Variants in PTK2 observed in about 807,000 individuals in gnomAD.
PTK2 encodes the protein protein tyrosine kinase 2, also known as focal adhesion kinase 1.
Under a neutral mutation model 150.1 loss-of-function variants are expected in PTK2, and 45 were observed. That is an observed-to-expected ratio of 0.30 (90% confidence interval 0.24 to 0.38). PTK2 has a LOEUF of 0.38. Among genes scored for constraint, PTK2 ranks in the 10% least tolerant of loss-of-function variants. The probability of loss-of-function intolerance (pLI) is 1.00; values close to 1 mark genes in which losing one functional copy is unlikely to be tolerated. For synonymous variants in PTK2, 432 were observed against 449.2 expected (o/e 0.96, Z 0.48); for missense variants, 919 against 1,307.3 (o/e 0.70, Z 4.58).
intron 1 of PTK2, among the ~76,000 whole-genome samples, chr8:140,941,457 T>C (rs986546203): frequency 6.6e-6 from 1 of 152,238 alleles, no homozygotes; most frequent in Admixed American, 6.5e-5. Flanking sequence ...AGCCCTACTG[T>C]AATGCACCTT....
chr8:140,682,460 G>A (rs1453772533), intron 27 of PTK2, among the ~76,000 whole-genome samples: 2 of 152,082 alleles, frequency 1.3e-5, no homozygotes, highest in African/African-American at 4.8e-5. Context: ...TTCTTCACTT[G>A]ATCTTAGCCA....
At chr8:140,971,062 G>C (rs2100187091) in intron 1 of PTK2, among the ~76,000 whole-genome samples, 1 of 152,142 alleles carries the variant, frequency 6.6e-6, no homozygotes, top group Non-Finnish European at 1.5e-5. Context: ...TTTATTCAAG[G>C]AGTCAATGCC....
chr8:140,935,869 ACCG>A (rs2100173448), intron 1 of PTK2, among the ~76,000 whole-genome samples: 1 of 151,486 alleles, frequency 6.6e-6, no homozygotes, highest in Non-Finnish European at 1.5e-5. Context: ...ACAGGGTTTC[ACCG>A]TGTTGACCTT....
intron 26 of PTK2, among the ~76,000 whole-genome samples, chr8:140,691,871 G>A (rs1353242213): frequency 1.3e-5 from 2 of 152,194 alleles, no homozygotes; most frequent in Admixed American, 1.3e-4. Flanking sequence ...TGTTATAGAC[G>A]AGGAACTTGA....
chr8:140,719,154 C>T (rs770034052), intron 22 of PTK2, among the ~76,000 whole-genome samples: 19 of 151,938 alleles, frequency 1.3e-4, no homozygotes, highest in Non-Finnish European at 2.5e-4. Context: ...CCAGCCTGGG[C>T]AACAGAATGA....
chr8:140,855,698 T>C (rs974950806), intron 5 of PTK2, among the ~76,000 whole-genome samples: 9 of 152,250 alleles, frequency 5.9e-5, no homozygotes, highest in African/African-American at 2.2e-4. Context: ...AAAGGACTAG[T>C]ATACAAGGTA....
At chr8:140,952,994 C>T (rs762908548) in intron 1 of PTK2, among the ~76,000 whole-genome samples, 7 of 152,132 alleles carry the variant, frequency 4.6e-5, no homozygotes, top group East Asian at 3.8e-4. Context: ...ACAGCATCTT[C>T]GCAATAACCC....
At chr8:140,711,180 C>T (rs982110760) in intron 23 of PTK2, among the ~76,000 whole-genome samples, 7 of 152,198 alleles carry the variant, frequency 4.6e-5, no homozygotes, top group Admixed American at 1.3e-4. Flanking sequence ...GATCTCGGCT[C>T]GCTGCAACCT....
intron 22 of PTK2, chr8:140,721,854 G>A (rs2100043070): frequency 6.6e-6 from 1 of 152,176 alleles, no homozygotes; most frequent in Non-Finnish European, 1.5e-5. Flanking sequence ...TTTAGGCTAA[G>A]TTACATTACT....
Position 140,802,233 on chromosome 8 carries a change from T to G in PTK2, c.975+1310A>C, listed in dbSNP as rs929940294. On this transcript the variant is annotated intron_variant, in intron 11 of 31. Coordinates refer to ENST00000522684, the Ensembl canonical transcript of PTK2. ...TGGGACAAGATGTGGAGGTAGAAGATGGTGATATGGATACTCTTGACCCTG... is the reference window on the plus strand; with the variant it reads ...TGGGACAAGATGTGGAGGTAGAAGAGGGTGATATGGATACTCTTGACCCTG... Among the ~76,000 whole-genome samples, 4 of 152,204 alleles carry G rather than the reference T, an allele frequency of 2.6e-5. No homozygotes were observed. In the East Asian group the frequency reaches 7.7e-4, roughly 29 times the overall value.
intron 22 of PTK2, chr8:140,732,521 A>G (rs1007798379): frequency 3.8e-6 from 2 of 524,130 alleles, no homozygotes; most frequent in Non-Finnish European, 3.9e-6. Flanking sequence ...CTCTTCCTGT[A>G]TCTAGCTAGC....
intron 7 of PTK2, among the ~76,000 whole-genome samples, chr8:140,839,730 G>GT (rs1017958747): frequency 2.6e-5 from 4 of 152,138 alleles, no homozygotes; most frequent in African/African-American, 9.7e-5. Flanking sequence ...CACGAAAAAT[G>GT]TAAGAGACAG....
chr8:140,994,948 G>A (rs1327014105), intron 1 of PTK2, among the ~76,000 whole-genome samples: 1 of 152,060 alleles, frequency 6.6e-6, no homozygotes, highest in African/African-American at 2.4e-5. Context: ...GCCTGGTGTG[G>A]TGGTACATGC....
At chr8:140,960,187 CTTTTTTTTTTTTTTT>C (rs371999950) in intron 1 of PTK2, among the ~76,000 whole-genome samples, 23 of 72,408 alleles carry the variant, frequency 3.2e-4, no homozygotes, top group African/African-American at 1.2e-3. Context: ...CAATTTTAAA[CTTTTTTTTTTTTTTT>C]TTTTTTTTTT....
chr8:140,999,932 A>AT (rs1400359072), intron 1 of PTK2, among the ~76,000 whole-genome samples: 3 of 151,950 alleles, frequency 2.0e-5, no homozygotes, highest in Non-Finnish European at 4.4e-5. Context: ...AATTACTACA[A>AT]TATTACTATT....
chr8:140,768,029 G>A (rs1421843191), intron 14 of PTK2, among the ~76,000 whole-genome samples: 2 of 152,084 alleles, frequency 1.3e-5, no homozygotes, highest in African/African-American at 4.8e-5. Flanking sequence ...CAAGTTCAAA[G>A]GCCTGGGCAC....
chr8:140,902,461 T>C (rs1368574479), intron 2 of PTK2, among the ~76,000 whole-genome samples: 2 of 152,220 alleles, frequency 1.3e-5, no homozygotes, highest in Non-Finnish European at 2.9e-5. Flanking sequence ...TTATAATCCT[T>C]TGGGTATATA....
intron 29 of PTK2, among the ~76,000 whole-genome samples, chr8:140,671,939 C>CG (rs1279535159): frequency 2.0e-5 from 2 of 101,588 alleles, no homozygotes; most frequent in Admixed American, 1.3e-4. Flanking sequence ...CTCAGGGGGG[C>CG]GGGGGGCGGG....
rs555195887 is a variant in PTK2 at position 140,690,226 on chromosome 8, A to C, written c.2500-3532T>G. 3.9e-5 allele frequency among the ~76,000 whole-genome samples: 6 copies of C among 152,180 alleles called. No individual in the cohort carries two copies. The South Asian group carries it at 6.2e-4, about 16-fold the overall frequency. On this transcript the variant is annotated intron_variant, in intron 26 of 31. Transcript: ENST00000522684. ...CTCGGCCTCCCAAAGTGCTGGGATTACAGGCGTGAGCCACCGCGCCAGGCC... is the reference window on the plus strand; with the variant it reads ...CTCGGCCTCCCAAAGTGCTGGGATTCCAGGCGTGAGCCACCGCGCCAGGCC...
Sources: allele counts gnomAD v4.1 joint callset (sites outside exome capture counted in the v4.1 genomes callset), GRCh38; gene constraint gnomAD v4.1.1; transcripts MANE v1.5; gene names NCBI Gene and HGNC (gene_info 2026-07-23, HGNC 2026-07-21).